JAZF1: variants seen among roughly 807,000 people sequenced by gnomAD.
JAZF1 encodes juxtaposed with another zinc finger protein 1.
In JAZF1, 8 loss-of-function variants were observed where a neutral mutation model predicts 26.4. The observed-to-expected ratio is 0.30, with a 90% CI of 0.18 to 0.55. The LOEUF is 0.55. JAZF1 is among the 20% of genes least tolerant of loss of function. JAZF1 has a pLI of 0.94. For synonymous variants in JAZF1, 126 were observed against 122.3 expected (o/e 1.03, Z -0.20); for missense variants, 199 against 322.0 (o/e 0.62, Z 2.92).
intron 1 of JAZF1, among the ~76,000 whole-genome samples, chr7:28,069,952 G>A (rs947846659): frequency 2.0e-5 from 3 of 152,136 alleles, no homozygotes; most frequent in African/African-American, 7.2e-5. Context: ...GATGAAGCCA[G>A]GACCTGGCTC....
intron 1 of JAZF1, among the ~76,000 whole-genome samples, chr7:28,062,780 T>C (rs570985522): frequency 2.6e-4 from 39 of 152,354 alleles, no homozygotes; most frequent in African/African-American, 8.7e-4. Context: ...TTATAGTTAC[T>C]CTCCTATCTT....
At chr7:28,016,824 T>G (rs530482201) in intron 1 of JAZF1, among the ~76,000 whole-genome samples, 1 of 152,254 alleles carries the variant, frequency 6.6e-6, no homozygotes, top group African/African-American at 2.4e-5. Context: ...CAACCAATAT[T>G]TATCGAAGAC....
At chr7:27,879,290 T>C (rs1158684954) in intron 3 of JAZF1, among the ~76,000 whole-genome samples, 2 of 152,160 alleles carry the variant, frequency 1.3e-5, no homozygotes, top group Admixed American at 6.5e-5. Flanking sequence ...TACCTGTTGT[T>C]TGACATTTAG....
intron 3 of JAZF1, among the ~76,000 whole-genome samples, chr7:27,856,461 T>C (rs1783255586): frequency 6.6e-6 from 1 of 152,224 alleles, no homozygotes; most frequent in Admixed American, 6.5e-5. Flanking sequence ...CTGAGCGGGT[T>C]GCCACTGCTG....
At position 27,832,761 on chromosome 7, in the gene JAZF1, T is replaced by C. The variant is rs1782730335; in HGVS notation, c.*39A>G. 1.4e-6 allele frequency: 2 copies of C among 1,422,682 alleles called. No homozygotes were observed. Among genetic ancestry groups the C allele is most frequent in the Non-Finnish European group, 1.9e-6 (2 of 1,076,364 alleles). 88.1% of individuals were successfully genotyped at this position (1,422,682 alleles called of 1,614,324 possible). On this transcript the variant is annotated 3_prime_UTR_variant, in exon 5 of 5. Transcript: ENST00000283928. Reference sequence around the variant, plus strand: ...GGTGGCTGTTTTCAAAATCAGCAACTGCTGGTGAGGATTTCTTGGCACAGT... The same window carrying C: ...GGTGGCTGTTTTCAAAATCAGCAACCGCTGGTGAGGATTTCTTGGCACAGT...
chr7:27,923,431 A>G (rs1046445632), intron 2 of JAZF1, among the ~76,000 whole-genome samples: 3 of 152,188 alleles, frequency 2.0e-5, no homozygotes, highest in Admixed American at 2.0e-4. Flanking sequence ...CACACACTCT[A>G]TCCCAACTTT....
chr7:27,983,315 TA>T (rs1785625481), intron 2 of JAZF1, among the ~76,000 whole-genome samples: 1 of 152,152 alleles, frequency 6.6e-6, no homozygotes, highest in Non-Finnish European at 1.5e-5. Context: ...CAAGCTTCAG[TA>T]GCTGATTTGA....
At chr7:28,138,132 A>G (rs1782912245) in intron 1 of JAZF1, among the ~76,000 whole-genome samples, 1 of 152,204 alleles carries the variant, frequency 6.6e-6, no homozygotes. Context: ...GCTATGAAAC[A>G]AGCAGGTATA....
chr7:28,034,379 A>G (rs1339358998), intron 1 of JAZF1, among the ~76,000 whole-genome samples: 1 of 151,932 alleles, frequency 6.6e-6, no homozygotes, highest in African/African-American at 2.4e-5. Flanking sequence ...GAACAATTGG[A>G]AGCACAAACA....
chr7:27,990,729 T>C (rs565404000), intron 2 of JAZF1, among the ~76,000 whole-genome samples: 251 of 152,306 alleles, frequency 1.6e-3, no homozygotes, highest in African/African-American at 5.8e-3. Context: ...TAATTAAAAA[T>C]TTCAAAACCC....
intron 2 of JAZF1, among the ~76,000 whole-genome samples, chr7:27,982,109 G>T (rs574108030): frequency 1.3e-5 from 2 of 152,234 alleles, no homozygotes; most frequent in Non-Finnish European, 2.9e-5. Context: ...ATCTTACTGG[G>T]GCTTGCCAGA....
chr7:28,012,232 T>C (rs1306715520), intron 1 of JAZF1, among the ~76,000 whole-genome samples: 1 of 152,190 alleles, frequency 6.6e-6, no homozygotes, highest in Non-Finnish European at 1.5e-5. Flanking sequence ...TGTCAAAAAA[T>C]CTTCATTCTG....
intron 3 of JAZF1, among the ~76,000 whole-genome samples, chr7:27,862,193 T>C (rs180922196): frequency 6.6e-6 from 1 of 152,368 alleles, no homozygotes; most frequent in East Asian, 1.9e-4. Context: ...AACAGATTTA[T>C]TTTTACTTTT....
At position 28,132,682 on chromosome 7, in the gene JAZF1, T is replaced by C. The variant is rs528834223; in HGVS notation, c.115+47781A>G. ...TACCCTGCATCCACATGCATAAACA[T>C]AGATGGAAATTAAACATAGACATGG... On this transcript the variant is annotated intron_variant, in intron 1 of 4. Transcript: ENST00000283928. Among the ~76,000 whole-genome samples the C allele has an allele frequency of 1.2e-4, 19 of 152,248 alleles. No individual in the cohort carries two copies. The South Asian group carries it at 3.7e-3, about 30-fold the overall frequency.
In JAZF1 at chr7:27,832,509, G is replaced by GC. The variant is rs1269252119; in HGVS notation, c.*290dup. 1 of 262,714 alleles carries GC rather than the reference G, an allele frequency of 3.8e-6. No individual in the cohort carries two copies. The highest frequency in any genetic ancestry group is 7.3e-6 in the Non-Finnish European group (1 of 137,238). The allele number at this position is 262,714 out of a possible 1,614,324, so 16.3% of individuals were successfully genotyped here. ...AATACAATTCAACAATATGCAACAT[G>GC]CCCTCAATTTTATTTTGTTTTGGGG... On this transcript the variant is annotated 3_prime_UTR_variant, in exon 5 of 5. Coordinates refer to ENST00000283928, the MANE Select transcript of JAZF1 (RefSeq NM_175061.4).
intron 1 of JAZF1, among the ~76,000 whole-genome samples, chr7:28,015,327 T>C (rs1040220970): frequency 1.3e-5 from 2 of 151,692 alleles, no homozygotes; most frequent in Non-Finnish European, 2.9e-5. Context: ...AACAGAAAAA[T>C]GACATTAGGG....
intron 1 of JAZF1, among the ~76,000 whole-genome samples, chr7:28,034,190 C>A (rs1440197079): frequency 1.3e-5 from 2 of 152,034 alleles, no homozygotes; most frequent in African/African-American, 4.8e-5. Flanking sequence ...TGATCCCAGG[C>A]AAAACACACA....
intron 1 of JAZF1, among the ~76,000 whole-genome samples, chr7:28,039,325 A>G (rs562322998): frequency 6.6e-6 from 1 of 152,282 alleles, no homozygotes; most frequent in Non-Finnish European, 1.5e-5. Flanking sequence ...AGATGTATTT[A>G]TCTTGCAACC....
chr7:27,841,018 C>T (rs765701401), intron 3 of JAZF1, 151 bp from the exon 4 acceptor site: 17 of 690,000 alleles, frequency 2.5e-5, no homozygotes, highest in Admixed American at 5.6e-5. Flanking sequence ...ACTGCAAACA[C>T]GGCTATTCCC....
Sources: gnomAD v4.1 joint callset for allele counts (sites outside exome capture counted in the v4.1 genomes callset) on GRCh38, gnomAD v4.1.1 for gene constraint, MANE v1.5 for transcripts, NCBI Gene and HGNC (gene_info 2026-07-23, HGNC 2026-07-21) for gene names.